Variants in SEMA3D observed in about 807,000 individuals in gnomAD.
The protein encoded by SEMA3D is semaphorin-3D.
A neutral mutation model predicts 100.1 loss-of-function variants in SEMA3D; 84 were observed. The ratio of observed to expected loss-of-function variants is 0.84; its 90% CI spans 0.70 to 1.01. SEMA3D has a LOEUF of 1.01. Ranked by LOEUF, SEMA3D falls within the 50% of genes least tolerant of loss-of-function variation. The probability of loss-of-function intolerance (pLI) is 0.00; values close to 1 mark genes in which losing one functional copy is unlikely to be tolerated. For synonymous variants in SEMA3D, 312 were observed against 320.7 expected, an observed-to-expected ratio of 0.97 and a Z score of 0.29; for missense variants, 875 against 934.1, an observed-to-expected ratio of 0.94 and a Z score of 0.82.
chr7:85,086,309 T>C (rs1788212030), intron 4 of SEMA3D, among the ~76,000 whole-genome samples: 1 of 152,120 alleles, frequency 6.6e-6, no homozygotes, highest in African/African-American at 2.4e-5. Flanking sequence ...TTTTTTTTCT[T>C]ACATACTACC....
intron 12 of SEMA3D, 107 bp downstream of exon 12, chr7:85,036,782 T>G: frequency 1.2e-6 from 1 of 832,376 alleles, no homozygotes; most frequent in Non-Finnish European, 1.8e-6. Flanking sequence ...CAAATAAATG[T>G]TATTACAGCA....
chr7:85,122,419 A>G (rs1789454010), intron 2 of SEMA3D, among the ~76,000 whole-genome samples: 1 of 152,180 alleles, frequency 6.6e-6, no homozygotes, highest in Admixed American at 6.5e-5. Flanking sequence ...AAATAAATGC[A>G]CCACAAGAAT....
At chr7:85,082,169 A>C (rs1788082987) in intron 4 of SEMA3D, among the ~76,000 whole-genome samples, 1 of 152,192 alleles carries the variant, frequency 6.6e-6, no homozygotes, top group East Asian at 1.9e-4. Context: ...TGAGATCAGA[A>C]AACTTAGTCA....
At chr7:85,218,744 T>A in the SEMA3D span, among the ~76,000 whole-genome samples, 1 of 152,224 alleles carries the variant, frequency 6.6e-6, no homozygotes, top group African/African-American at 2.4e-5. Flanking sequence ...ATGCCTACCT[T>A]TTATGGAGAC....
intron 9 of SEMA3D, among the ~76,000 whole-genome samples, chr7:85,047,251 G>T (rs1791034914): frequency 6.6e-6 from 1 of 151,968 alleles, no homozygotes; most frequent in South Asian, 2.1e-4. Flanking sequence ...ATTGTATGAT[G>T]GTTGCATGTT....
intron 12 of SEMA3D, chr7:85,028,206 G>A: frequency 3.0e-6 from 2 of 668,968 alleles, no homozygotes; most frequent in South Asian, 3.1e-5. Context: ...TGACAAAGAT[G>A]AAGGAAATTG....
At chr7:85,136,099 T>C (rs1220149645) in intron 2 of SEMA3D, among the ~76,000 whole-genome samples, 2 of 152,042 alleles carry the variant, frequency 1.3e-5, no homozygotes, top group Non-Finnish European at 2.9e-5. Context: ...AATGTAGAGA[T>C]GTAGAGATTA....
At chr7:85,127,859 T>G (rs1387306897) in intron 2 of SEMA3D, among the ~76,000 whole-genome samples, 1 of 152,152 alleles carries the variant, frequency 6.6e-6, no homozygotes, top group Non-Finnish European at 1.5e-5. Flanking sequence ...CTCGGGAGCA[T>G]TTTAACTCAT....
At chr7:85,090,605 T>A (rs183448197) in intron 4 of SEMA3D, among the ~76,000 whole-genome samples, 1 of 152,330 alleles carries the variant, frequency 6.6e-6, no homozygotes, top group African/African-American at 2.4e-5. Context: ...GGTTATTTAT[T>A]CTTTTCTTTT....
At chr7:85,029,621 A>C in intron 12 of SEMA3D, 1 of 446,132 alleles carries the variant, frequency 2.2e-6, no homozygotes, top group Non-Finnish European at 4.3e-6. Context: ...GAGGAATGCC[A>C]GGGGGATTTC....
In SEMA3D at chr7:85,015,175, G is replaced by A. The variant is rs757797577; in HGVS notation, c.1587C>T (p.Leu529=). The part of the protein sequence containing the change: ...YIGSRDGLVQ[L]SLHRCDTYGK... ...CATAAGTGTCGCATCTGTGCAAGGA[G>A]AGCTGAACCAATCCATCTCGGGAAC... The change falls in exon 16 of 19, where the codon CTC becomes CTT. Residue 529 remains leucine, a synonymous_variant. Coordinates refer to ENST00000284136, the MANE Select transcript of SEMA3D (RefSeq NM_001384900.1). 2 of 1,611,468 alleles carry A rather than the reference G, an allele frequency of 1.2e-6. No homozygotes were observed. Among genetic ancestry groups the A allele is most frequent in the African/African-American group, 2.7e-5 (2 of 74,712 alleles).
At chr7:85,245,870 T>C in the SEMA3D span, among the ~76,000 whole-genome samples, 1 of 152,258 alleles carries the variant, frequency 6.6e-6, no homozygotes, top group Non-Finnish European at 1.5e-5. Context: ...CTTATTATCT[T>C]GCCTTTGGCT....
rs1418234177 is a variant in SEMA3D at position 85,022,423 on chromosome 7, T to A, written c.1382A>T (p.Asp461Val). 6.2e-7 allele frequency: 1 copy of A among 1,612,190 alleles called. No homozygotes were observed. The highest frequency in any genetic ancestry group is 8.5e-7 in the Non-Finnish European group (1 of 1,178,666). ...QIVVDHVIAE[D>V]GQYDVMFLGT... is the part of the protein sequence containing the mutation. ...AAGAAACATTACATCGTACTGGCCA[T>A]CTTCTGCAATGACATGATCCACCAC... is the stretch of plus-strand genomic sequence containing the variant. The change falls in exon 13 of 19, where the codon GAT becomes GTT. Residue 461 changes from aspartate to valine, a missense_variant. Asp to Val is a radical substitution (Grantham distance 152). Transcript: ENST00000284136.
At chr7:85,206,014 CT>C in the SEMA3D span, among the ~76,000 whole-genome samples, 1 of 152,090 alleles carries the variant, frequency 6.6e-6, no homozygotes, top group Non-Finnish European at 1.5e-5. Flanking sequence ...TCTCTCCAAA[CT>C]GGTAGCTAGG....
At chr7:85,163,979 T>A (rs1562841285) in intron 1 of SEMA3D, among the ~76,000 whole-genome samples, 1 of 152,176 alleles carries the variant, frequency 6.6e-6, no homozygotes, top group Non-Finnish European at 1.5e-5. Context: ...TAATAAGTAA[T>A]AATCACCAAT....
intron 9 of SEMA3D, among the ~76,000 whole-genome samples, chr7:85,049,116 T>G (rs921168666): frequency 6.6e-6 from 1 of 151,756 alleles, no homozygotes; most frequent in Non-Finnish European, 1.5e-5. Context: ...CTTGAAATAC[T>G]TTAGATGAAA....
chr7:85,176,605 T>C (rs4140712), intron 1 of SEMA3D, among the ~76,000 whole-genome samples: 16,420 of 152,014 alleles, frequency 0.11, 1,246 homozygotes, highest in East Asian at 0.35. Flanking sequence ...AGTATGACTT[T>C]GGTATATATA....
At chr7:85,070,591 A>G (rs867024070) in intron 6 of SEMA3D, among the ~76,000 whole-genome samples, 2 of 152,056 alleles carry the variant, frequency 1.3e-5, no homozygotes, top group Middle Eastern at 3.2e-3. Context: ...AAAGTTAACA[A>G]TTTTCAAGCA....
At chr7:85,131,872 A>C (rs1309768449) in intron 2 of SEMA3D, among the ~76,000 whole-genome samples, 1 of 151,964 alleles carries the variant, frequency 6.6e-6, no homozygotes, top group East Asian at 1.9e-4. Context: ...TAAAGGTGTA[A>C]AGTTTTTTAA....
Sources: allele counts gnomAD v4.1 joint callset (sites outside exome capture counted in the v4.1 genomes callset), GRCh38; gene constraint gnomAD v4.1.1; transcripts MANE v1.5; gene names NCBI Gene and HGNC (gene_info 2026-07-23, HGNC 2026-07-21).